The following PDE4D variants were observed in gnomAD, a reference collection of about 807,000 sequenced individuals.
The protein encoded by PDE4D is phosphodiesterase 4D, also known as 3',5'-cyclic-AMP phosphodiesterase 4D.
In PDE4D, 24 loss-of-function variants were observed where a neutral mutation model predicts 87.4. The observed-to-expected ratio is 0.27, with a 90% confidence interval of 0.20 to 0.39. The LOEUF is 0.39. Among genes scored for constraint, PDE4D ranks in the 10% least tolerant of loss-of-function variants. The pLI, the probability that PDE4D is intolerant of heterozygous loss-of-function variation, is 1.00. For synonymous variants in PDE4D, 384 were observed against 383.2 expected (o/e 1.00, Z -0.02); for missense variants, 714 against 1,041.0 (o/e 0.69, Z 4.32).
chr5:59,183,777 G>C (rs1357677111), intron 4 of PDE4D, among the ~76,000 whole-genome samples: 6 of 152,194 alleles, frequency 3.9e-5, no homozygotes, highest in Non-Finnish European at 8.8e-5. Flanking sequence ...CATGCCCTCA[G>C]ATTTTACATG....
In PDE4D at chr5:59,069,607, C is replaced by T. The variant is rs148252169; in HGVS notation, c.809-30636G>A. On this transcript the variant is annotated intron_variant, in intron 5 of 14. Transcript: ENST00000340635. ...AAAACAGCAGTCACAGTCAACACAG[C>T]TAGTACTTGCAGAAAATCTCTCTTC... Among the ~76,000 whole-genome samples the T allele has an allele frequency of 2.7e-3, 410 of 151,572 alleles. 3 individuals are homozygous for T. In the East Asian group the frequency reaches 0.044, roughly 16 times the overall value.
At chr5:59,645,250 A>G (rs1742256063) in intron 1 of PDE4D, among the ~76,000 whole-genome samples, 1 of 152,138 alleles carries the variant, frequency 6.6e-6, no homozygotes, top group Admixed American at 6.5e-5. Context: ...GAGGCTAGGA[A>G]GGGTGAAGCT....
rs111541670 is a variant in PDE4D at position 59,606,960 on chromosome 5, A to G, written c.455+286208T>C. 2.1e-3 allele frequency among the ~76,000 whole-genome samples: 325 copies of G among 152,002 alleles called. 1 individual carries two copies. The highest frequency in any genetic ancestry group is 7.6e-3 in the African/African-American group (315 of 41,476). ...GAAGGGGGGGAAGGGGACATGTTTTATAATTTACTGATTTCATATACCTTT... is the reference window on the plus strand; with the variant it reads ...GAAGGGGGGGAAGGGGACATGTTTTGTAATTTACTGATTTCATATACCTTT... On this transcript the variant is annotated intron_variant, in intron 1 of 14. Coordinates refer to ENST00000340635, the MANE Select transcript of PDE4D (RefSeq NM_001104631.2).
intron 3 of PDE4D, among the ~76,000 whole-genome samples, chr5:59,943,560 C>A (rs1342772581): frequency 6.6e-6 from 1 of 152,164 alleles, no homozygotes; most frequent in Non-Finnish European, 1.5e-5. Flanking sequence ...CCATTTGTAG[C>A]CATTTGGCTT....
chr5:60,484,828 A>G (rs1272958680), intron 1 of PDE4D, among the ~76,000 whole-genome samples: 1 of 152,244 alleles, frequency 6.6e-6, no homozygotes, highest in Non-Finnish European at 1.5e-5. Flanking sequence ...AATAGTGTAC[A>G]TGTACAGCAC....
chr5:60,402,005 T>A (rs544267821), intron 1 of PDE4D, among the ~76,000 whole-genome samples: 3 of 152,188 alleles, frequency 2.0e-5, no homozygotes, highest in Admixed American at 6.5e-5. Flanking sequence ...ATAACTCCAA[T>A]CAACCAAGAG....
At chr5:59,245,599 C>G (rs987036365) in intron 1 of PDE4D, among the ~76,000 whole-genome samples, 2 of 152,128 alleles carry the variant, frequency 1.3e-5, no homozygotes, top group Non-Finnish European at 2.9e-5. Context: ...TTCTACTTAT[C>G]ATGTTGCTGT....
intron 1 of PDE4D, among the ~76,000 whole-genome samples, chr5:59,337,144 G>A (rs959009978): frequency 9.9e-5 from 15 of 152,138 alleles, no homozygotes; most frequent in Admixed American, 2.6e-4. Context: ...AGACAGGAAG[G>A]TCTCAAAACC....
intron 1 of PDE4D, among the ~76,000 whole-genome samples, chr5:59,866,267 A>T (rs1747024026): frequency 6.6e-6 from 1 of 152,178 alleles, no homozygotes; most frequent in African/African-American, 2.4e-5. Flanking sequence ...ATTCTCTCTC[A>T]TTATACTTTC....
At chr5:60,093,646 T>C (rs1212896695) in intron 2 of PDE4D, among the ~76,000 whole-genome samples, 2 of 152,168 alleles carry the variant, frequency 1.3e-5, no homozygotes, top group African/African-American at 4.8e-5. Flanking sequence ...AAAAGAAAAT[T>C]AAATTTCAGG....
chr5:59,851,151 G>A (rs115984045), intron 1 of PDE4D, among the ~76,000 whole-genome samples: 3,706 of 152,046 alleles, frequency 0.024, 67 homozygotes, highest in Middle Eastern at 0.054. Flanking sequence ...TTTCATTTGC[G>A]GAAGAAATGA....
chr5:60,287,781 A>C (rs1177199932), intron 1 of PDE4D, among the ~76,000 whole-genome samples: 1 of 152,190 alleles, frequency 6.6e-6, no homozygotes, highest in Non-Finnish European at 1.5e-5. Flanking sequence ...GAAATGGCTG[A>C]ATCTTTAAAT....
chr5:59,585,612 C>T (rs1006662338), intron 1 of PDE4D, among the ~76,000 whole-genome samples: 2 of 152,054 alleles, frequency 1.3e-5, no homozygotes, highest in African/African-American at 2.4e-5. Context: ...TTATAAATAC[C>T]CTCAGCAATG....
intron 1 of PDE4D, among the ~76,000 whole-genome samples, chr5:60,507,156 C>T (rs1322045875): frequency 5.3e-5 from 8 of 152,030 alleles, no homozygotes; most frequent in Non-Finnish European, 1.2e-4. Flanking sequence ...CTCGGCTCAA[C>T]CTCTGCCTCC....
At chr5:60,255,054 G>C (rs547522231) in intron 1 of PDE4D, among the ~76,000 whole-genome samples, 15 of 151,898 alleles carry the variant, frequency 9.9e-5, no homozygotes, top group South Asian at 2.1e-4. Context: ...TGCTTCCCCG[G>C]CTCAGAAGTG....
chr5:60,520,949 A>C (rs1395702063), intron 1 of PDE4D: 2 of 152,446 alleles, frequency 1.3e-5, no homozygotes, highest in African/African-American at 4.8e-5. Context: ...ATCTGCACTC[A>C]TTCCTAAGCA....
intron 1 of PDE4D, among the ~76,000 whole-genome samples, chr5:59,490,472 T>C (rs1209058490): frequency 1.3e-5 from 2 of 152,172 alleles, no homozygotes; most frequent in Non-Finnish European, 2.9e-5. Flanking sequence ...AAGATGAAGC[T>C]GGAGACATAA....
chr5:59,565,771 C>T (rs1370737879), intron 1 of PDE4D, among the ~76,000 whole-genome samples: 1 of 152,032 alleles, frequency 6.6e-6, no homozygotes, highest in East Asian at 1.9e-4. Context: ...TGCAGCTGTG[C>T]CTATGTTTTC....
At chr5:59,626,780 G>A (rs904855998) in intron 1 of PDE4D, among the ~76,000 whole-genome samples, 2 of 152,134 alleles carry the variant, frequency 1.3e-5, no homozygotes, top group African/African-American at 2.4e-5. Flanking sequence ...TAACTTTAAT[G>A]AACGCTGAGC....
Sources: gnomAD v4.1 joint callset for allele counts (sites outside exome capture counted in the v4.1 genomes callset) on GRCh38, gnomAD v4.1.1 for gene constraint, MANE v1.5 for transcripts, NCBI Gene and HGNC (gene_info 2026-07-23, HGNC 2026-07-21) for gene names.